SHROOM3: variants seen among roughly 807,000 people sequenced by gnomAD.
SHROOM3 encodes the protein protein Shroom3.
SHROOM3 carries 47 observed loss-of-function variants against 138.6 expected under a neutral mutation model. That is an observed-to-expected ratio of 0.34 (90% CI 0.27 to 0.43). The LOEUF (loss-of-function observed/expected upper bound fraction) is 0.43, where lower values mean the gene tolerates loss of function less well. SHROOM3 is among the 20% of genes least tolerant of loss of function. The pLI, the probability that SHROOM3 is intolerant of heterozygous loss-of-function variation, is 1.00. For missense variants in SHROOM3, 2,491 were observed against 2,596.5 expected (o/e 0.96, Z 0.88); for synonymous variants, 1,062 against 1,063.3 (o/e 1.00, Z 0.02).
intron 2 of SHROOM3, among the ~76,000 whole-genome samples, chr4:76,595,883 T>C (rs535634674): frequency 6.6e-6 from 1 of 152,332 alleles, no homozygotes; most frequent in South Asian, 2.1e-4. Context: ...TGTTTCTTTG[T>C]AATTTTATCT....
intron 1 of SHROOM3, among the ~76,000 whole-genome samples, chr4:76,468,817 G>C (rs1219582023): frequency 6.6e-6 from 1 of 151,924 alleles, no homozygotes; most frequent in African/African-American, 2.4e-5. Context: ...ATCACCAGAG[G>C]TCAGGAGTTT....
Position 76,741,379 on chromosome 4 carries a change from C to T in SHROOM3, c.3206C>T (p.Ser1069Phe). 4.4e-6 allele frequency: 7 copies of T among 1,603,484 alleles called. No homozygotes were observed. The highest frequency in any genetic ancestry group is 6.0e-6 in the Non-Finnish European group (7 of 1,175,952). The change falls in exon 5 of 11, where the codon TCC becomes TTC. Residue 1069 changes from serine to phenylalanine, a missense_variant. Physicochemically the swap from Ser to Phe is radical, Grantham distance 155. This residue lies in a region of SHROOM3 where 1,733 missense variants were observed against 1,661.6 expected (regional missense o/e 1.04). Transcript: ENST00000296043. The surrounding 1 kb of genome is among the most constrained non-coding windows in gnomAD (Gnocchi z 6.2). ...TTCGAGCGCGATGGCAAGGCCTGCTCCACGCTCAGCCTGTCGGGGCCCGAG... is the reference window on the plus strand; with the variant it reads ...TTCGAGCGCGATGGCAAGGCCTGCTTCACGCTCAGCCTGTCGGGGCCCGAG... ...RLFERDGKAC[S>F]TLSLSGPELK...
chr4:76,477,403 C>G (rs1222931826), intron 1 of SHROOM3, among the ~76,000 whole-genome samples: 1 of 152,070 alleles, frequency 6.6e-6, no homozygotes, highest in Non-Finnish European at 1.5e-5. Flanking sequence ...GACCATTGCC[C>G]CTTGCCTCAA....
At chr4:76,747,258 C>T (rs537316442) in intron 5 of SHROOM3, among the ~76,000 whole-genome samples, 28 of 151,608 alleles carry the variant, frequency 1.8e-4, no homozygotes, top group African/African-American at 6.8e-4. Flanking sequence ...TTTTTTTTCC[C>T]TGTAATTGCC....
chr4:76,589,879 A>T (rs1734229026), intron 2 of SHROOM3, among the ~76,000 whole-genome samples: 1 of 152,220 alleles, frequency 6.6e-6, no homozygotes, highest in Non-Finnish European at 1.5e-5. Flanking sequence ...CATCTGAGGT[A>T]GGTCATATAT....
In SHROOM3 at chr4:76,742,163, T is replaced by A. The variant is rs1330377670; in HGVS notation, c.3753+237T>A. 3 of 597,814 alleles carry A rather than the reference T, an allele frequency of 5.0e-6. No homozygotes were observed. In the Admixed American group the frequency reaches 7.9e-5, roughly 16 times the overall value. 37.0% of individuals were successfully genotyped at this position (597,814 alleles called of 1,614,324 possible). ...TTGTTATACAGATTCTCTATCTATC[T>A]GTCTACCTCCATTTTAGGAAGTCAC... On this transcript the variant is annotated intron_variant, in intron 5 of 10. Transcript: ENST00000296043.
chr4:76,584,023 G>A (rs959670255), intron 2 of SHROOM3, among the ~76,000 whole-genome samples: 2 of 152,178 alleles, frequency 1.3e-5, no homozygotes, highest in Non-Finnish European at 2.9e-5. Flanking sequence ...TCCCTAAAGA[G>A]TGACATAGAG....
At chr4:76,671,924 A>C (rs1219073260) in intron 2 of SHROOM3, among the ~76,000 whole-genome samples, 1 of 152,198 alleles carries the variant, frequency 6.6e-6, no homozygotes, top group East Asian at 1.9e-4. Context: ...ACAGTGCTCC[A>C]GTGAAGATTT....
chr4:76,548,762 T>C (rs1733282518), intron 1 of SHROOM3, among the ~76,000 whole-genome samples: 2 of 152,180 alleles, frequency 1.3e-5, no homozygotes, highest in South Asian at 4.1e-4. Context: ...AGTCGACTTC[T>C]CCTATAGGTG....
chr4:76,554,826 A>C (rs113230818), intron 1 of SHROOM3, among the ~76,000 whole-genome samples: 3 of 152,060 alleles, frequency 2.0e-5, no homozygotes, highest in African/African-American at 4.8e-5. Context: ...TGAGTAAGTG[A>C]AGCTTCATTT....
At chr4:76,472,019 G>A (rs946161807) in intron 1 of SHROOM3, among the ~76,000 whole-genome samples, 2 of 152,034 alleles carry the variant, frequency 1.3e-5, no homozygotes, top group Non-Finnish European at 2.9e-5. Context: ...AAATGAAAGG[G>A]GGAATAGATA....
rs564255526 is a variant in SHROOM3, at chr4:76,508,503, C to A, written c.169-47106C>A. Among the ~76,000 whole-genome samples the A allele has an allele frequency of 7.2e-5, 11 of 152,246 alleles. No homozygotes were observed. The South Asian group carries it at 2.1e-3, about 29-fold the overall frequency. ...TGAAAGTATGTCTTCCAACTTCTTT[C>A]TTCTTTTTCAAGATTGTTTGGATAT... On this transcript the variant is annotated intron_variant, in intron 1 of 10. Coordinates refer to ENST00000296043, the MANE Select transcript of SHROOM3 (RefSeq NM_020859.4).
intron 2 of SHROOM3, chr4:76,689,427 G>C (rs1471355366): frequency 1.3e-6 from 1 of 752,166 alleles, no homozygotes; most frequent in Non-Finnish European, 1.6e-6. Context: ...GAGCGGGCCC[G>C]GGCGGGACGA....
chr4:76,530,545 G>T (rs1732808729), intron 1 of SHROOM3, among the ~76,000 whole-genome samples: 1 of 152,082 alleles, frequency 6.6e-6, no homozygotes, highest in African/African-American at 2.4e-5. Context: ...ATGTGTATTG[G>T]TCTGCTATCT....
intron 2 of SHROOM3, among the ~76,000 whole-genome samples, chr4:76,642,047 A>C (rs1312185200): frequency 6.6e-6 from 1 of 152,124 alleles, no homozygotes; most frequent in Non-Finnish European, 1.5e-5. Context: ...AAGATGAGAC[A>C]CACACTTCAT....
At chr4:76,522,824 A>G (rs1255672164) in intron 1 of SHROOM3, among the ~76,000 whole-genome samples, 4 of 152,176 alleles carry the variant, frequency 2.6e-5, no homozygotes, top group African/African-American at 9.7e-5. Context: ...GCTTTAGTAA[A>G]AAAGAGATTA....
intron 2 of SHROOM3, among the ~76,000 whole-genome samples, chr4:76,565,575 T>A (rs1017443334): frequency 6.6e-6 from 1 of 152,186 alleles, no homozygotes; most frequent in African/African-American, 2.4e-5. Flanking sequence ...CTTGACCTTC[T>A]GGGATCAAGT....
intron 1 of SHROOM3, among the ~76,000 whole-genome samples, chr4:76,448,720 T>C (rs1195850442): frequency 6.6e-6 from 1 of 152,164 alleles, no homozygotes; most frequent in African/African-American, 2.4e-5. Flanking sequence ...CTACTTGCAT[T>C]TGAAGTCTTG....
intron 9 of SHROOM3, among the ~76,000 whole-genome samples, chr4:76,761,660 T>C (rs1235194739): frequency 6.6e-6 from 1 of 152,172 alleles, no homozygotes; most frequent in Admixed American, 6.5e-5. Context: ...GTTCTCTGGG[T>C]ATAACTAACC....
Sources: allele counts gnomAD v4.1 joint callset (sites outside exome capture counted in the v4.1 genomes callset), GRCh38; gene constraint gnomAD v4.1.1; regional missense constraint gnomAD v4.1.1; non-coding constraint Gnocchi (gnomAD v3.1); transcripts MANE v1.5; gene names NCBI Gene and HGNC (gene_info 2026-07-23, HGNC 2026-07-21).